Variants in GNA12 observed in about 807,000 individuals in gnomAD.
The protein encoded by GNA12 is G protein subunit alpha 12.
GNA12 carries 9 observed loss-of-function variants against 26.0 expected under a neutral mutation model. The observed-to-expected ratio is 0.35, with a 90% CI of 0.21 to 0.60. GNA12 has a LOEUF of 0.60. Ranked by LOEUF, GNA12 falls within the 20% of genes least tolerant of loss-of-function variation. The pLI is 0.78. For missense variants in GNA12, 405 were observed against 525.8 expected (o/e 0.77, Z 2.25); for synonymous variants, 264 against 219.6 (o/e 1.20, Z -1.79).
intron 1 of GNA12, among the ~76,000 whole-genome samples, chr7:2,839,764 G>C (rs1448233167): frequency 6.6e-6 from 1 of 152,148 alleles, no homozygotes; most frequent in Non-Finnish European, 1.5e-5. Flanking sequence ...ACTTTGGGAG[G>C]CCGAGGCGGG....
chr7:2,783,135 T>C (rs778257671), intron 2 of GNA12, among the ~76,000 whole-genome samples: 4 of 152,172 alleles, frequency 2.6e-5, no homozygotes, highest in Non-Finnish European at 2.9e-5. Context: ...CCAGGCACTG[T>C]GTTGTCTACC....
intron 2 of GNA12, among the ~76,000 whole-genome samples, chr7:2,787,475 A>G (rs2115445142): frequency 6.6e-6 from 1 of 152,292 alleles, no homozygotes; most frequent in East Asian, 1.9e-4. Context: ...ACTCTGGAGC[A>G]CGAAGCCTGC....
intron 2 of GNA12, among the ~76,000 whole-genome samples, chr7:2,753,652 T>C (rs1374101528): frequency 1.3e-5 from 2 of 152,236 alleles, no homozygotes; most frequent in Non-Finnish European, 2.9e-5. Context: ...TGAACATTCA[T>C]GTACAGGTGT....
intron 1 of GNA12, among the ~76,000 whole-genome samples, chr7:2,797,485 T>G (rs1792706071): frequency 6.6e-6 from 1 of 151,902 alleles, no homozygotes. Flanking sequence ...TTTACTGTGC[T>G]ATAATCCATG....
At chr7:2,769,452 T>C (rs1424270243) in intron 2 of GNA12, among the ~76,000 whole-genome samples, 1 of 151,836 alleles carries the variant, frequency 6.6e-6, no homozygotes, top group African/African-American at 2.4e-5. Flanking sequence ...TCTGGCCGGC[T>C]GGGCACGGTG....
At chr7:2,788,375 G>A (rs139288326) in intron 2 of GNA12, among the ~76,000 whole-genome samples, 2 of 152,208 alleles carry the variant, frequency 1.3e-5, no homozygotes, top group African/African-American at 2.4e-5. Context: ...TGGACGGCAC[G>A]TCTAGGAAGT....
chr7:2,749,056 G>A (rs1184235579), intron 2 of GNA12, among the ~76,000 whole-genome samples: 1 of 152,118 alleles, frequency 6.6e-6, no homozygotes, highest in East Asian at 1.9e-4. Flanking sequence ...CTTTTACACT[G>A]TTGGTGGGAC....
chr7:2,790,116 C>T (rs1352961153), intron 2 of GNA12, among the ~76,000 whole-genome samples: 1 of 152,222 alleles, frequency 6.6e-6, no homozygotes, highest in African/African-American at 2.4e-5. Context: ...CCCTCTGCCA[C>T]CTCACTCCGC....
chr7:2,798,749 T>G (rs1792738223), intron 1 of GNA12, among the ~76,000 whole-genome samples: 1 of 152,236 alleles, frequency 6.6e-6, no homozygotes, highest in South Asian at 2.1e-4. Context: ...TTTTAAGACT[T>G]ATTATATAGC....
intron 2 of GNA12, among the ~76,000 whole-genome samples, chr7:2,774,199 T>C (rs758515437): frequency 1.3e-5 from 2 of 152,162 alleles, no homozygotes; most frequent in Non-Finnish European, 2.9e-5. Flanking sequence ...GCTCAGTTTG[T>C]GAAAACTGAG....
At chr7:2,825,197 G>C (rs564960791) in intron 1 of GNA12, among the ~76,000 whole-genome samples, 15 of 152,322 alleles carry the variant, frequency 9.8e-5, no homozygotes, top group South Asian at 2.1e-4. Context: ...GGGGAAGCCC[G>C]AGAAACAAGA....
At chr7:2,749,841 A>G (rs1054004838) in intron 2 of GNA12, among the ~76,000 whole-genome samples, 3 of 152,154 alleles carry the variant, frequency 2.0e-5, no homozygotes, top group African/African-American at 7.2e-5. Context: ...TTAGATTAAT[A>G]GAGATGACCC....
At chr7:2,743,871 C>T (rs1934368780) in intron 2 of GNA12, among the ~76,000 whole-genome samples, 1 of 152,036 alleles carries the variant, frequency 6.6e-6, no homozygotes, top group Non-Finnish European at 1.5e-5. Context: ...CACCAGATTA[C>T]ATCCCGCACC....
intron 1 of GNA12, among the ~76,000 whole-genome samples, chr7:2,837,554 T>C (rs1260451219): frequency 2.0e-5 from 3 of 152,166 alleles, no homozygotes; most frequent in Admixed American, 1.3e-4. Flanking sequence ...ATGAAACTTC[T>C]GAAAACTAAA....
intron 2 of GNA12, among the ~76,000 whole-genome samples, chr7:2,768,264 T>C (rs1171728076): frequency 1.3e-5 from 2 of 152,208 alleles, no homozygotes; most frequent in Non-Finnish European, 2.9e-5. Context: ...TCGGAAATGG[T>C]TTCTGTTTTC....
chr7:2,737,713 ACTT>A (rs1480729686), intron 2 of GNA12, among the ~76,000 whole-genome samples: 2 of 152,236 alleles, frequency 1.3e-5, no homozygotes, highest in African/African-American at 4.8e-5. Flanking sequence ...TAGTTCACTC[ACTT>A]CAACGTGACA....
At chr7:2,783,669 T>TATTTATTTA (rs1280915646) in intron 2 of GNA12, among the ~76,000 whole-genome samples, 2 of 105,720 alleles carry the variant, frequency 1.9e-5, no homozygotes, top group African/African-American at 8.3e-5. Flanking sequence ...TTTATTTATT[T>TATTTATTTA]ATTTATTTAT....
At chr7:2,780,693 T>A (rs1330102628) in intron 2 of GNA12, among the ~76,000 whole-genome samples, 1 of 152,222 alleles carries the variant, frequency 6.6e-6, no homozygotes, top group African/African-American at 2.4e-5. Flanking sequence ...GCCAACATCA[T>A]AATGTTTGTG....
intron 2 of GNA12, among the ~76,000 whole-genome samples, chr7:2,791,411 C>A (rs1307010837): frequency 6.6e-6 from 1 of 152,240 alleles, no homozygotes; most frequent in Non-Finnish European, 1.5e-5. Context: ...TTCCATCCCC[C>A]ACCCCGGCCC....
Sources: gnomAD v4.1 joint callset for allele counts (sites outside exome capture counted in the v4.1 genomes callset) on GRCh38, gnomAD v4.1.1 for gene constraint, MANE v1.5 for transcripts, NCBI Gene and HGNC (gene_info 2026-07-23, HGNC 2026-07-21) for gene names.